The following MED12L variants were observed in gnomAD, a reference collection of about 807,000 sequenced individuals.
MED12L encodes the protein mediator of RNA polymerase II transcription subunit 12-like protein.
In MED12L, 60 loss-of-function variants were observed where a neutral mutation model predicts 281.3. The observed-to-expected ratio is 0.21, with a 90% confidence interval of 0.17 to 0.26. The LOEUF (loss-of-function observed/expected upper bound fraction) is 0.26, where lower values mean the gene tolerates loss of function less well. Ranked by LOEUF, MED12L falls within the 10% of genes least tolerant of loss-of-function variation. The pLI, the probability that MED12L is intolerant of heterozygous loss-of-function variation, is 1.00. For synonymous variants in MED12L, 974 were observed against 987.2 expected, an observed-to-expected ratio of 0.99 and a Z score of 0.25; for missense variants, 2,146 against 2,680.9, an observed-to-expected ratio of 0.80 and a Z score of 4.41.
At chr3:151,399,714 C>T (rs1476008842) in intron 39 of MED12L, among the ~76,000 whole-genome samples, 43 of 152,162 alleles carry the variant, frequency 2.8e-4, no homozygotes, top group Non-Finnish European at 4.4e-5. Flanking sequence ...TTCTTATACT[C>T]GGTATTTTTC....
At chr3:151,207,270 A>C (rs1726505074) in intron 16 of MED12L, among the ~76,000 whole-genome samples, 1 of 152,128 alleles carries the variant, frequency 6.6e-6, no homozygotes, top group South Asian at 2.1e-4. Context: ...ATAACAGCAA[A>C]TATTTATCAA....
chr3:151,281,334 C>G (rs1313340343), intron 16 of MED12L, among the ~76,000 whole-genome samples: 2 of 151,430 alleles, frequency 1.3e-5, no homozygotes, highest in Non-Finnish European at 2.9e-5. Context: ...CACTCGAACC[C>G]GGGAGGTGGA....
intron 11 of MED12L, among the ~76,000 whole-genome samples, chr3:151,184,595 C>T (rs375680235): frequency 5.1e-4 from 77 of 152,268 alleles, no homozygotes; most frequent in Middle Eastern, 3.4e-3. Flanking sequence ...CACCCCTATC[C>T]GCGACTCATG....
intron 3 of MED12L, among the ~76,000 whole-genome samples, chr3:151,118,090 C>CAAAA (rs778516389): frequency 4.6e-5 from 4 of 87,796 alleles, no homozygotes; most frequent in Non-Finnish European, 7.7e-5. Flanking sequence ...GACTCCATCT[C>CAAAA]AAAAAAAAAA....
intron 2 of MED12L, among the ~76,000 whole-genome samples, chr3:151,107,505 G>A (rs548080039): frequency 2.6e-5 from 4 of 152,108 alleles, no homozygotes; most frequent in East Asian, 1.9e-4. Flanking sequence ...TTTGTTAATC[G>A]AATGAAGGAC....
At chr3:151,402,485 C>G (rs1052324657) in intron 39 of MED12L, among the ~76,000 whole-genome samples, 3 of 152,192 alleles carry the variant, frequency 2.0e-5, no homozygotes, top group Admixed American at 6.5e-5. Context: ...TTACATCCTT[C>G]AAGAACATAT....
intron 9 of MED12L, 140 bp from the exon 10 acceptor site, chr3:151,165,280 C>T (rs968344187): frequency 6.0e-5 from 26 of 430,658 alleles, no homozygotes; most frequent in Admixed American, 1.3e-4. Context: ...ACTTATTGGG[C>T]CACAGGCTGC....
intron 16 of MED12L, among the ~76,000 whole-genome samples, chr3:151,303,337 G>A (rs774611496): frequency 6.6e-6 from 1 of 152,098 alleles, no homozygotes; most frequent in Non-Finnish European, 1.5e-5. Flanking sequence ...GCATGTGGAG[G>A]TGTCTACTAG....
intron 16 of MED12L, among the ~76,000 whole-genome samples, chr3:151,232,790 G>C (rs1011775228): frequency 6.6e-6 from 1 of 152,182 alleles, no homozygotes; most frequent in Non-Finnish European, 1.5e-5. Context: ...CTTGAGGATG[G>C]AGGGTGGGAG....
chr3:151,163,396 G>A (rs1720251444), intron 8 of MED12L, among the ~76,000 whole-genome samples: 1 of 152,146 alleles, frequency 6.6e-6, no homozygotes, highest in African/African-American at 2.4e-5. Context: ...TTACTATCAG[G>A]CTTCTTATAG....
chr3:151,223,861 GCC>G, intron 16 of MED12L, among the ~76,000 whole-genome samples: 1 of 152,110 alleles, frequency 6.6e-6, no homozygotes, highest in African/African-American at 2.4e-5. Flanking sequence ...AAAGAACATT[GCC>G]TACTCCTGGG....
At chr3:151,404,156 G>A (rs939931226) in intron 39 of MED12L, among the ~76,000 whole-genome samples, 6 of 152,118 alleles carry the variant, frequency 3.9e-5, no homozygotes, top group Non-Finnish European at 8.8e-5. Context: ...AGAAGGTTCC[G>A]TGATTTCTAT....
At chr3:151,426,819 AC>A (rs1179716439) in intron 43 of MED12L, among the ~76,000 whole-genome samples, 2 of 74,092 alleles carry the variant, frequency 2.7e-5, no homozygotes. Context: ...ACATGGTTTT[AC>A]TTTTTTTTTT....
At chr3:151,166,472 C>T (rs1042626883) in intron 11 of MED12L, among the ~76,000 whole-genome samples, 3 of 151,098 alleles carry the variant, frequency 2.0e-5, no homozygotes, top group African/African-American at 7.3e-5. Context: ...TGTATGCGTA[C>T]ATATATGTTT....
At chr3:151,093,154 G>C (rs1445568230) in intron 2 of MED12L, among the ~76,000 whole-genome samples, 1 of 152,192 alleles carries the variant, frequency 6.6e-6, no homozygotes, top group Non-Finnish European at 1.5e-5. Flanking sequence ...AAAAAATTCA[G>C]AAAGCCAGGT....
intron 16 of MED12L, among the ~76,000 whole-genome samples, chr3:151,340,109 C>T (rs1274729213): frequency 1.1e-4 from 16 of 152,112 alleles, no homozygotes. Context: ...AGCATCTCCT[C>T]ACCTATTTAG....
chr3:151,284,596 A>ATGTT (rs367758894), intron 16 of MED12L, among the ~76,000 whole-genome samples: 177 of 152,076 alleles, frequency 1.2e-3, no homozygotes, highest in East Asian at 5.4e-3. Flanking sequence ...TTTTTTATGT[A>ATGTT]TGTTTGTTTG....
chr3:151,118,826 T>G (rs759464757), intron 3 of MED12L, among the ~76,000 whole-genome samples: 6 of 152,104 alleles, frequency 3.9e-5, no homozygotes, highest in Non-Finnish European at 7.4e-5. Flanking sequence ...CCCGAGTAGC[T>G]GGCTGCACCC....
chr3:151,152,085 G>GTTTTTTTTTTTTTTTTTTTTTT (rs141353889), intron 5 of MED12L, among the ~76,000 whole-genome samples: 3 of 62,984 alleles, frequency 4.8e-5, no homozygotes, highest in African/African-American at 1.9e-4. Context: ...GTTGAAGGTG[G>GTTTTTTTTTTTTTTTTTTTTTT]TTTTTTTTTT....
Sources: allele counts gnomAD v4.1 joint callset (sites outside exome capture counted in the v4.1 genomes callset), GRCh38; gene constraint gnomAD v4.1.1; transcripts MANE v1.5; gene names NCBI Gene and HGNC (gene_info 2026-07-23, HGNC 2026-07-21).